The following ARHGAP26 variants were observed in gnomAD, a reference collection of about 807,000 sequenced individuals.
The protein encoded by ARHGAP26 is rho GTPase-activating protein 26.
ARHGAP26 carries 38 observed loss-of-function variants against 104.8 expected under a neutral mutation model. The observed-to-expected ratio is 0.36, with a 90% CI of 0.28 to 0.48. The LOEUF (loss-of-function observed/expected upper bound fraction) is 0.48. ARHGAP26 is among the 20% of genes least tolerant of loss of function. The probability of loss-of-function intolerance (pLI) is 0.99; values close to 1 mark genes in which losing one functional copy is unlikely to be tolerated. For missense variants in ARHGAP26, 704 were observed against 947.9 expected (o/e 0.74, Z 3.38); for synonymous variants, 341 against 340.0 (o/e 1.00, Z -0.03).
At chr5:143,175,550 T>TA (rs936856110) in intron 20 of ARHGAP26, among the ~76,000 whole-genome samples, 14 of 152,128 alleles carry the variant, frequency 9.2e-5, no homozygotes, top group African/African-American at 3.4e-4. Flanking sequence ...CTTTTTTTTT[T>TA]AATGAAGAAT....
At chr5:142,992,106 C>G (rs1775703914) in intron 11 of ARHGAP26, among the ~76,000 whole-genome samples, 1 of 151,646 alleles carries the variant, frequency 6.6e-6, no homozygotes, top group Admixed American at 6.6e-5. Flanking sequence ...TTCTTTTTCT[C>G]CTTTTGCAAT....
chr5:142,804,616 C>T (rs968710880), intron 1 of ARHGAP26, among the ~76,000 whole-genome samples: 5 of 152,146 alleles, frequency 3.3e-5, no homozygotes, highest in Non-Finnish European at 5.9e-5. Flanking sequence ...CTCAGCCTCC[C>T]GAGTAGCTGG....
At chr5:143,115,222 A>G (rs1795280662) in intron 17 of ARHGAP26, among the ~76,000 whole-genome samples, 1 of 151,502 alleles carries the variant, frequency 6.6e-6, no homozygotes, top group Non-Finnish European at 1.5e-5. Flanking sequence ...AATCCCAGCT[A>G]CTCCGGAGGC....
intron 1 of ARHGAP26, among the ~76,000 whole-genome samples, chr5:142,814,193 G>T (rs1241483292): frequency 2.0e-5 from 3 of 152,248 alleles, no homozygotes; most frequent in African/African-American, 2.4e-5. Context: ...GATAGTAAAA[G>T]TGTGATATTG....
intron 1 of ARHGAP26, among the ~76,000 whole-genome samples, chr5:142,790,156 A>G (rs1759504156): frequency 6.6e-6 from 1 of 152,246 alleles, no homozygotes; most frequent in African/African-American, 2.4e-5. Context: ...ACAAGTGAGC[A>G]GGATGCTAGT....
At chr5:143,125,741 G>A (rs567638680) in intron 18 of ARHGAP26, among the ~76,000 whole-genome samples, 3 of 152,262 alleles carry the variant, frequency 2.0e-5, no homozygotes, top group African/African-American at 7.2e-5. Flanking sequence ...AATGATGATA[G>A]TAATAGCTAA....
At chr5:142,919,853 T>C (rs1762971690) in intron 10 of ARHGAP26, among the ~76,000 whole-genome samples, 1 of 151,920 alleles carries the variant, frequency 6.6e-6, no homozygotes, top group African/African-American at 2.4e-5. Flanking sequence ...AGAAAAAAAT[T>C]AGCCGAGCAT....
intron 20 of ARHGAP26, among the ~76,000 whole-genome samples, chr5:143,174,685 C>T (rs953143159): frequency 1.3e-5 from 2 of 152,134 alleles, no homozygotes; most frequent in Non-Finnish European, 2.9e-5. Flanking sequence ...TAGATATATA[C>T]CTCTATCCCA....
At chr5:143,062,832 GAAGAT>G (rs964101378) in intron 17 of ARHGAP26, among the ~76,000 whole-genome samples, 45 of 152,208 alleles carry the variant, frequency 3.0e-4, no homozygotes, top group African/African-American at 9.2e-4. Context: ...CCCAAATCTA[GAAGAT>G]AAGATTTAAC....
At chr5:142,818,357 A>G (rs1326508056) in intron 1 of ARHGAP26, among the ~76,000 whole-genome samples, 3 of 151,984 alleles carry the variant, frequency 2.0e-5, no homozygotes, top group Non-Finnish European at 4.4e-5. Context: ...ACCTCTGCAC[A>G]CCCTTGTTTC....
chr5:142,958,766 G>T (rs1268062170), intron 11 of ARHGAP26, among the ~76,000 whole-genome samples: 1 of 151,724 alleles, frequency 6.6e-6, no homozygotes, highest in Non-Finnish European at 1.5e-5. Flanking sequence ...AAAAATGAGT[G>T]TCATTAGCAA....
chr5:143,138,563 A>G (rs1009538321), intron 19 of ARHGAP26, among the ~76,000 whole-genome samples: 15 of 152,226 alleles, frequency 9.9e-5, no homozygotes, highest in Non-Finnish European at 1.5e-5. Flanking sequence ...TTCTGGCCCA[A>G]TAGATAGGAA....
chr5:142,997,807 C>G (rs145782298), intron 11 of ARHGAP26, among the ~76,000 whole-genome samples: 1 of 151,856 alleles, frequency 6.6e-6, no homozygotes, highest in African/African-American at 2.4e-5. Context: ...AAGTGGTCCC[C>G]AGATGTAATG....
intron 1 of ARHGAP26, among the ~76,000 whole-genome samples, chr5:142,824,391 G>A (rs1258384234): frequency 6.6e-6 from 1 of 152,146 alleles, no homozygotes; most frequent in African/African-American, 2.4e-5. Context: ...TCTAAGACAG[G>A]ACAGAGCTGG....
chr5:143,067,142 C>T (rs749387352), intron 17 of ARHGAP26, among the ~76,000 whole-genome samples: 4 of 151,892 alleles, frequency 2.6e-5, no homozygotes, highest in Non-Finnish European at 5.9e-5. Context: ...AGGGGGATGG[C>T]GCGTTATATC....
intron 12 of ARHGAP26, among the ~76,000 whole-genome samples, chr5:143,034,118 GA>G (rs1227565838): frequency 2.0e-5 from 3 of 152,186 alleles, no homozygotes; most frequent in Non-Finnish European, 4.4e-5. Context: ...CAAGGATTAG[GA>G]GAAATTGGAA....
At chr5:142,865,076 G>T (rs2152323179) in intron 1 of ARHGAP26, among the ~76,000 whole-genome samples, 1 of 152,328 alleles carries the variant, frequency 6.6e-6, no homozygotes, top group South Asian at 2.1e-4. Context: ...AGTTTTTCCT[G>T]TGGTGACCTT....
At chr5:143,184,605 G>A (rs1364771632) in intron 20 of ARHGAP26, among the ~76,000 whole-genome samples, 7 of 152,176 alleles carry the variant, frequency 4.6e-5, no homozygotes, top group Non-Finnish European at 2.9e-5. Context: ...AAGAGGCTAA[G>A]GGAGAACAAA....
At chr5:143,100,043 G>A (rs1177607042) in intron 17 of ARHGAP26, among the ~76,000 whole-genome samples, 2 of 152,100 alleles carry the variant, frequency 1.3e-5, no homozygotes, top group African/African-American at 4.8e-5. Context: ...TGCAGTCCAG[G>A]GAAATAATGA....
Sources: allele counts gnomAD v4.1 joint callset (sites outside exome capture counted in the v4.1 genomes callset), GRCh38; gene constraint gnomAD v4.1.1; transcripts MANE v1.5; gene names NCBI Gene and HGNC (gene_info 2026-07-23, HGNC 2026-07-21).